TMEM132D: variants seen among roughly 807,000 people sequenced by gnomAD.
TMEM132D encodes transmembrane protein 132D.
Under a neutral mutation model 62.3 loss-of-function variants are expected in TMEM132D, and 21 were observed. That is an observed-to-expected ratio of 0.34 (90% CI 0.24 to 0.49). The LOEUF (loss-of-function observed/expected upper bound fraction) is 0.49, where lower values mean the gene tolerates loss of function less well. Ranked by LOEUF, TMEM132D falls within the 20% of genes least tolerant of loss-of-function variation. TMEM132D has a pLI of 0.99. For missense variants in TMEM132D, 1,346 were observed against 1,402.8 expected, an observed-to-expected ratio of 0.96 and a Z score of 0.65; for synonymous variants, 621 against 575.6, an observed-to-expected ratio of 1.08 and a Z score of -1.13.
chr12:129,685,779 A>T (rs1393688007), intron 2 of TMEM132D, among the ~76,000 whole-genome samples: 2 of 152,222 alleles, frequency 1.3e-5, no homozygotes, highest in African/African-American at 4.8e-5. Flanking sequence ...TACCCTGCAA[A>T]GCCACAGGAA....
At position 129,371,535 on chromosome 12, in the gene TMEM132D, T is replaced by G. The variant is rs1436133301; in HGVS notation, c.1116-33718A>C. ...TAATGGTGGTGATTATGATGATGAT[T>G]ATGATGATGATGATGATGATGGCGA... is the stretch of plus-strand genomic sequence containing the variant. On this transcript the variant is annotated intron_variant, in intron 3 of 8. Coordinates refer to ENST00000422113, the MANE Select transcript of TMEM132D (RefSeq NM_133448.3). The surrounding 1 kb of genome is among the most constrained non-coding windows in gnomAD (Gnocchi z 4.3). 1.3e-5 allele frequency among the ~76,000 whole-genome samples: 2 copies of G among 150,904 alleles called. No homozygotes were observed. Among genetic ancestry groups the G allele is most frequent in the Non-Finnish European group, 3.0e-5 (2 of 67,680 alleles).
chr12:129,471,564 AC>A (rs1176898212), intron 3 of TMEM132D, among the ~76,000 whole-genome samples: 1 of 152,090 alleles, frequency 6.6e-6, no homozygotes, highest in African/African-American at 2.4e-5. Context: ...CCAGTTACTG[AC>A]CCTACAATGG....
intron 1 of TMEM132D, among the ~76,000 whole-genome samples, chr12:129,711,026 C>A (rs1881629250): frequency 6.6e-6 from 1 of 152,114 alleles, no homozygotes; most frequent in Admixed American, 6.6e-5. Flanking sequence ...CTCTAGGCTT[C>A]GATTTGCATC....
chr12:129,427,381 G>A (rs1348280243), intron 3 of TMEM132D, among the ~76,000 whole-genome samples: 2 of 146,320 alleles, frequency 1.4e-5, no homozygotes, highest in East Asian at 2.1e-4. Flanking sequence ...ACAGGAAGGG[G>A]AACATCACAC....
intron 1 of TMEM132D, among the ~76,000 whole-genome samples, chr12:129,747,412 A>C (rs1298807890): frequency 6.6e-6 from 1 of 151,458 alleles, no homozygotes; most frequent in Admixed American, 6.6e-5. Flanking sequence ...AGACACACAC[A>C]CATTCTCACA....
intron 2 of TMEM132D, among the ~76,000 whole-genome samples, chr12:129,602,233 A>T (rs895662697): frequency 1.1e-4 from 16 of 152,302 alleles, no homozygotes; most frequent in South Asian, 8.3e-4. Flanking sequence ...TTATATCCAC[A>T]CTATAGGCTA....
chr12:129,364,736 T>C (rs777372333), intron 3 of TMEM132D, among the ~76,000 whole-genome samples: 28 of 152,302 alleles, frequency 1.8e-4, no homozygotes, highest in Middle Eastern at 6.8e-3. Flanking sequence ...GGCATCATTA[T>C]TGCAGGTGTT....
At chr12:129,337,901 A>G in intron 3 of TMEM132D, 84 bp from the exon 4 acceptor site, 1 of 1,416,430 alleles carries the variant, frequency 7.1e-7, no homozygotes, top group Non-Finnish European at 9.5e-7. Context: ...GCCCTTGGCC[A>G]TTTCTCTATG....
chr12:129,868,431 C>T (rs1325158670), intron 1 of TMEM132D, among the ~76,000 whole-genome samples: 2 of 152,058 alleles, frequency 1.3e-5, no homozygotes, highest in Admixed American at 6.6e-5. Flanking sequence ...TAGTAAATAA[C>T]GTATTAGGAT....
At position 129,739,100 on chromosome 12, in the gene TMEM132D, A is replaced by T. The variant is rs530250320; in HGVS notation, c.80-38402T>A. Among the ~76,000 whole-genome samples the T allele has an allele frequency of 2.6e-5, 4 of 152,316 alleles. No individual in the cohort carries two copies. The South Asian group carries it at 6.2e-4, about 24-fold the overall frequency. ...AGGGCAGTGTTTTTGAGCTGGAAAA[A>T]GGAACAGGACTGGCCTCTGCCCTAG... On this transcript the variant is annotated intron_variant, in intron 1 of 8. Coordinates refer to ENST00000422113, the MANE Select transcript of TMEM132D (RefSeq NM_133448.3).
At chr12:129,777,971 T>C (rs191768125) in intron 1 of TMEM132D, among the ~76,000 whole-genome samples, 59 of 150,354 alleles carry the variant, frequency 3.9e-4, no homozygotes, top group African/African-American at 1.4e-3. Flanking sequence ...CTACAAAAAA[T>C]AAAAACAAAA....
At chr12:129,781,720 A>T (rs560464542) in intron 1 of TMEM132D, among the ~76,000 whole-genome samples, 3 of 152,336 alleles carry the variant, frequency 2.0e-5, no homozygotes, top group African/African-American at 7.2e-5. Context: ...TAAGTAGTAC[A>T]TGAGTTGCTT....
At chr12:129,286,909 G>A (rs1029121109) in intron 4 of TMEM132D, among the ~76,000 whole-genome samples, 6 of 152,190 alleles carry the variant, frequency 3.9e-5, no homozygotes, top group Admixed American at 1.3e-4. Context: ...TTAGTCGGGC[G>A]TGGTGGCGCA....
intron 1 of TMEM132D, among the ~76,000 whole-genome samples, chr12:129,897,202 G>A (rs577433465): frequency 6.6e-5 from 10 of 152,230 alleles, no homozygotes; most frequent in Non-Finnish European, 1.2e-4. Context: ...TTTCCTCTTC[G>A]TTTTGTGAGA....
chr12:129,473,334 T>G (rs1395964082), intron 3 of TMEM132D, among the ~76,000 whole-genome samples: 1 of 137,968 alleles, frequency 7.2e-6, no homozygotes, highest in Non-Finnish European at 1.6e-5. Context: ...GTTTTTTTTT[T>G]TTTTTTTTTT....
intron 1 of TMEM132D, among the ~76,000 whole-genome samples, chr12:129,758,556 T>A (rs2137272846): frequency 6.6e-6 from 1 of 152,336 alleles, no homozygotes; most frequent in Admixed American, 6.5e-5. Flanking sequence ...TATTCCAAAG[T>A]GCCTGGTAAT....
chr12:129,441,130 G>A (rs1872924621), intron 3 of TMEM132D, among the ~76,000 whole-genome samples: 1 of 152,172 alleles, frequency 6.6e-6, no homozygotes, highest in African/African-American at 2.4e-5. Flanking sequence ...TGTTCACTAA[G>A]ATTTGCAAGA....
chr12:129,388,728 CCTA>C (rs1456061227), intron 3 of TMEM132D, among the ~76,000 whole-genome samples: 2 of 124,750 alleles, frequency 1.6e-5, no homozygotes, highest in Non-Finnish European at 3.6e-5. Context: ...TAACACTCAT[CCTA>C]ATATAAACAC....
chr12:129,101,396 G>A (rs1875304211), intron 5 of TMEM132D, among the ~76,000 whole-genome samples: 1 of 152,194 alleles, frequency 6.6e-6, no homozygotes, highest in Admixed American at 6.5e-5. Flanking sequence ...TAGCTGGTAT[G>A]ACCAGCTCAG....
Sources: gnomAD v4.1 joint callset for allele counts (sites outside exome capture counted in the v4.1 genomes callset) on GRCh38, gnomAD v4.1.1 for gene constraint, Gnocchi (gnomAD v3.1) non-coding constraint, MANE v1.5 for transcripts, NCBI Gene and HGNC (gene_info 2026-07-23, HGNC 2026-07-21) for gene names.